Variants in RGS5 observed in about 807,000 individuals in gnomAD.
RGS5 encodes regulator of G protein signaling 5.
RGS5 carries 20 observed loss-of-function variants against 18.9 expected under a neutral mutation model. That is an observed-to-expected ratio of 1.06 (90% CI 0.74 to 1.54). The LOEUF (loss-of-function observed/expected upper bound fraction) is 1.54. RGS5 is among the 40% of genes most tolerant of loss of function. RGS5 has a pLI of 0.00. For synonymous variants in RGS5, 57 were observed against 76.2 expected, an observed-to-expected ratio of 0.75 and a Z score of 1.31; for missense variants, 201 against 211.8, an observed-to-expected ratio of 0.95 and a Z score of 0.32.
intron 1 of RGS5, among the ~76,000 whole-genome samples, chr1:163,199,987 T>C (rs190516018): frequency 3.3e-4 from 50 of 152,178 alleles, no homozygotes; most frequent in African/African-American, 1.1e-3. Flanking sequence ...CAAACTTTTA[T>C]AGAAAAATAG....
chr1:163,294,992 T>C (rs1468486772), intron 2 of RGS5, among the ~76,000 whole-genome samples: 1 of 152,184 alleles, frequency 6.6e-6, no homozygotes, highest in Non-Finnish European at 1.5e-5. Flanking sequence ...AAGTTCCTAA[T>C]CTTTATCTGA....
intron 2 of RGS5, among the ~76,000 whole-genome samples, chr1:163,166,343 A>C (rs1266684902): frequency 6.6e-6 from 1 of 152,238 alleles, no homozygotes; most frequent in African/African-American, 2.4e-5. Flanking sequence ...AATACTTTTA[A>C]AAAAACGGAT....
intron 2 of RGS5, among the ~76,000 whole-genome samples, chr1:163,246,169 C>T (rs1047014917): frequency 3.3e-5 from 5 of 150,404 alleles, no homozygotes; most frequent in African/African-American, 1.2e-4. Flanking sequence ...TGCAGTGAGC[C>T]AAGATCGCGC....
intron 1 of RGS5, among the ~76,000 whole-genome samples, chr1:163,200,405 C>A (rs1659731966): frequency 1.3e-5 from 2 of 152,098 alleles, no homozygotes; most frequent in Admixed American, 1.3e-4. Flanking sequence ...TTTATCTAAG[C>A]ATTGAAGCAT....
intron 2 of RGS5, among the ~76,000 whole-genome samples, chr1:163,247,402 CA>C (rs1647971148): frequency 6.6e-6 from 1 of 151,994 alleles, no homozygotes; most frequent in African/African-American, 2.4e-5. Flanking sequence ...TTATCTGTGA[CA>C]GGGGTAACCT....
intron 1 of RGS5, among the ~76,000 whole-genome samples, chr1:163,308,038 T>C (rs1340982931): frequency 6.6e-6 from 1 of 152,174 alleles, no homozygotes; most frequent in Non-Finnish European, 1.5e-5. Context: ...TACTTTAAAG[T>C]GTGAGTTTAA....
rs1251381237 is a variant in RGS5, at chr1:163,143,751, T to A, written c.*3591A>T. 6.6e-6 allele frequency: 1 copy of A among 152,154 alleles called. No homozygotes were observed. Among genetic ancestry groups the A allele is most frequent in the African/African-American group, 2.4e-5 (1 of 41,464 alleles). 9.4% of individuals were successfully genotyped at this position (152,154 alleles called of 1,614,324 possible). A position where few individuals can be genotyped will look rare whatever the true frequency, so the allele number is the denominator to read the frequency against. ...AGAACAGTTTCAATAATGAAAATCA[T>A]TTCTCTGAAATATAACTAGCTTTTA... On this transcript the variant is annotated 3_prime_UTR_variant, in exon 5 of 5. Coordinates refer to ENST00000313961, the MANE Select transcript of RGS5 (RefSeq NM_003617.4).
At chr1:163,206,467 A>G (rs1659957114), upstream of RGS5, among the ~76,000 whole-genome samples, 1 of 152,190 alleles carries the variant, frequency 6.6e-6, no homozygotes, top group South Asian at 2.1e-4. Flanking sequence ...CGTGTATGGT[A>G]TTCCAGGTCA....
chr1:163,206,515 G>A (rs1659958486), upstream of RGS5, among the ~76,000 whole-genome samples: 1 of 151,952 alleles, frequency 6.6e-6, no homozygotes, highest in Non-Finnish European at 1.5e-5. Flanking sequence ...ACTATGATCT[G>A]AACGTTTCCC....
chr1:163,172,867 T>TAA (rs750423896), intron 1 of RGS5, among the ~76,000 whole-genome samples: 4 of 152,170 alleles, frequency 2.6e-5, no homozygotes, highest in Non-Finnish European at 4.4e-5. Context: ...TTCACAAGAC[T>TAA]AAATAATGTT....
At chr1:163,264,386 A>G (rs575876257) in intron 2 of RGS5, among the ~76,000 whole-genome samples, 1 of 152,312 alleles carries the variant, frequency 6.6e-6, no homozygotes, top group East Asian at 1.9e-4. Flanking sequence ...TCTACTTGAT[A>G]GATTGCGAAA....
intron 1 of RGS5, chr1:163,211,580 T>C (rs1434010983): frequency 6.6e-6 from 1 of 152,146 alleles, no homozygotes; most frequent in African/African-American, 2.4e-5. Flanking sequence ...AATGTTTTGA[T>C]AGAATTTTCT....
intron 1 of RGS5, among the ~76,000 whole-genome samples, chr1:163,194,482 C>T (rs918960491): frequency 1.3e-5 from 2 of 152,072 alleles, no homozygotes; most frequent in Non-Finnish European, 2.9e-5. Flanking sequence ...TAATTGATCA[C>T]GTCCTATTAC....
At chr1:163,238,140 T>C (rs2101689014) in intron 2 of RGS5, 1 of 153,298 alleles carries the variant, frequency 6.5e-6, no homozygotes, top group East Asian at 1.9e-4. Flanking sequence ...TCAGGTTTTA[T>C]AGGAGTACTA....
chr1:163,302,033 T>C (rs1649565660), intron 2 of RGS5, among the ~76,000 whole-genome samples: 1 of 151,520 alleles, frequency 6.6e-6, no homozygotes, highest in Admixed American at 6.6e-5. Context: ...ATAGATATGC[T>C]GTTTTTTATT....
At chr1:163,188,820 A>G (rs934563182) in intron 1 of RGS5, among the ~76,000 whole-genome samples, 1 of 142,886 alleles carries the variant, frequency 7.0e-6, no homozygotes, top group Non-Finnish European at 1.5e-5. Context: ...TAGCGTGGTG[A>G]CACGAGCCTG....
chr1:163,284,954 G>A (rs1649104985), intron 2 of RGS5, among the ~76,000 whole-genome samples: 1 of 152,134 alleles, frequency 6.6e-6, no homozygotes, highest in African/African-American at 2.4e-5. Flanking sequence ...TGGACTCACA[G>A]TTCCACGTGC....
intron 2 of RGS5, among the ~76,000 whole-genome samples, chr1:163,250,845 T>C (rs893245549): frequency 6.6e-6 from 1 of 152,148 alleles, no homozygotes; most frequent in Non-Finnish European, 1.5e-5. Flanking sequence ...ACTCCATCCA[T>C]AAAAGGGAAA....
At chr1:163,169,098 T>C (rs2102402566) in intron 1 of RGS5, among the ~76,000 whole-genome samples, 1 of 151,006 alleles carries the variant, frequency 6.6e-6, no homozygotes. Flanking sequence ...CACCTATGAG[T>C]GAGAACATGT....
Sources: gnomAD v4.1 joint callset for allele counts (sites outside exome capture counted in the v4.1 genomes callset) on GRCh38, gnomAD v4.1.1 for gene constraint, MANE v1.5 for transcripts, NCBI Gene and HGNC (gene_info 2026-07-23, HGNC 2026-07-21) for gene names.